The following TENM2 variants were observed in gnomAD, a reference collection of about 807,000 sequenced individuals.
TENM2 encodes the protein teneurin transmembrane protein 2.
TENM2 carries 52 observed loss-of-function variants against 245.2 expected under a neutral mutation model. The ratio of observed to expected loss-of-function variants is 0.21; its 90% confidence interval spans 0.17 to 0.27. The LOEUF is 0.27. Ranked by LOEUF, TENM2 falls within the 10% of genes least tolerant of loss-of-function variation. TENM2 has a pLI of 1.00. For synonymous variants in TENM2, 1,363 were observed against 1,438.9 expected (o/e 0.95, Z 1.19); for missense variants, 3,046 against 3,666.8 (o/e 0.83, Z 4.37).
intron 2 of TENM2, among the ~76,000 whole-genome samples, chr5:167,455,271 T>A (rs983478482): frequency 1.4e-4 from 22 of 152,192 alleles, no homozygotes; most frequent in Non-Finnish European, 3.1e-4. Context: ...AAACAACAAA[T>A]ATACAGTTCA....
exon 29 of TENM2, chr5:168,262,870 T>A (rs1768341774): frequency 6.8e-7 from 1 of 1,466,434 alleles, no homozygotes; most frequent in South Asian, 1.4e-5. Context: ...TGTTATCTCC[T>A]CTCCTAAGGA....
intron 27 of TENM2, among the ~76,000 whole-genome samples, chr5:168,250,803 A>AT (rs1380966934): frequency 2.6e-5 from 4 of 152,224 alleles, no homozygotes; most frequent in African/African-American, 9.6e-5. Flanking sequence ...CATGCTTAGC[A>AT]TAACTTTTAT....
At chr5:167,871,101 C>T (rs1030721964) in intron 2 of TENM2, among the ~76,000 whole-genome samples, 1 of 152,042 alleles carries the variant, frequency 6.6e-6, no homozygotes, top group Non-Finnish European at 1.5e-5. Flanking sequence ...TCCAAATCAA[C>T]TTAAAGAGCA....
the TENM2 span, among the ~76,000 whole-genome samples, chr5:167,069,068 G>C: frequency 3.9e-5 from 6 of 152,084 alleles, no homozygotes; most frequent in Non-Finnish European, 7.4e-5. Context: ...TTATTCATTA[G>C]AAAGAAGTCA....
chr5:167,370,429 C>T (rs969740529), intron 1 of TENM2, among the ~76,000 whole-genome samples: 7 of 148,458 alleles, frequency 4.7e-5, no homozygotes, highest in African/African-American at 1.7e-4. Context: ...GACAATTTAA[C>T]GTCCAAGATA....
intron 2 of TENM2, among the ~76,000 whole-genome samples, chr5:167,750,098 G>T (rs1327559651): frequency 6.6e-6 from 1 of 151,996 alleles, no homozygotes; most frequent in Non-Finnish European, 1.5e-5. Flanking sequence ...TTCGGGGAAT[G>T]TTAATGGCCC....
intron 2 of TENM2, among the ~76,000 whole-genome samples, chr5:167,822,018 G>C (rs909962499): frequency 6.6e-6 from 1 of 152,004 alleles, no homozygotes; most frequent in African/African-American, 2.4e-5. Flanking sequence ...TTGTTTGTTT[G>C]TTTTTTCATT....
chr5:168,100,052 C>T (rs1339012356), intron 9 of TENM2, among the ~76,000 whole-genome samples: 1 of 152,168 alleles, frequency 6.6e-6, no homozygotes, highest in African/African-American at 2.4e-5. Flanking sequence ...TATAGGAATG[C>T]TTGTGATTTT....
At chr5:167,289,428 G>C (rs1754511997) in intron 1 of TENM2, among the ~76,000 whole-genome samples, 1 of 152,122 alleles carries the variant, frequency 6.6e-6, no homozygotes, top group Non-Finnish European at 1.5e-5. Flanking sequence ...TTCTCTGTAC[G>C]TCAGGCTGGC....
At chr5:167,679,549 T>C (rs537321554) in intron 2 of TENM2, among the ~76,000 whole-genome samples, 1 of 152,286 alleles carries the variant, frequency 6.6e-6, no homozygotes, top group Admixed American at 6.5e-5. Context: ...CAACATAATA[T>C]ATTCATAATT....
intron 2 of TENM2, among the ~76,000 whole-genome samples, chr5:167,590,816 G>A (rs1775826002): frequency 6.6e-6 from 1 of 151,956 alleles, no homozygotes; most frequent in Admixed American, 6.6e-5. Flanking sequence ...TCTTAGATTT[G>A]TCTTAATCAG....
At chr5:167,625,286 T>C (rs1230848692) in intron 2 of TENM2, among the ~76,000 whole-genome samples, 1 of 152,250 alleles carries the variant, frequency 6.6e-6, no homozygotes, top group South Asian at 2.1e-4. Flanking sequence ...ATTTTATGTG[T>C]GATCGTGTGG....
At chr5:167,690,765 A>C (rs1216475115) in intron 2 of TENM2, among the ~76,000 whole-genome samples, 1 of 152,184 alleles carries the variant, frequency 6.6e-6, no homozygotes, top group Non-Finnish European at 1.5e-5. Context: ...AAGTGTCTTT[A>C]AAATAAAAAC....
intron 2 of TENM2, among the ~76,000 whole-genome samples, chr5:167,659,525 G>A (rs769389765): frequency 2.6e-5 from 4 of 152,162 alleles, no homozygotes; most frequent in South Asian, 2.1e-4. Context: ...ACATTTTATT[G>A]ATACATAAGA....
Position 167,472,970 on chromosome 5 carries a change from G to A in TENM2, c.502+97497G>A, listed in dbSNP as rs532637814. On this transcript the variant is annotated intron_variant, in intron 2 of 28. Transcript: ENST00000518659. ...TAATAACTTTTCTATGTCCCCACTG[G>A]ACAATAAACAAATTGGGGTGGGAAT... is the stretch of plus-strand genomic sequence containing the variant. Among the ~76,000 whole-genome samples, 3 of 152,052 alleles carry A rather than the reference G, an allele frequency of 2.0e-5. No individual in the cohort carries two copies. In the East Asian group the frequency reaches 5.8e-4, roughly 29 times the overall value.
At chr5:167,317,507 C>T (rs1432948483) in intron 1 of TENM2, among the ~76,000 whole-genome samples, 1 of 151,524 alleles carries the variant, frequency 6.6e-6, no homozygotes, top group Non-Finnish European at 1.5e-5. Context: ...GGAAATGGAT[C>T]CCTGAGCATC....
Position 167,875,967 on chromosome 5 carries a change from C to T in TENM2, c.503-19C>T, listed in dbSNP as rs757561199. Reference sequence around the variant, plus strand: ...TGACACTCATTGCTGACCTTTGACCCCTCTGTCCTCTTTCCCAGGTCGTCC... The same window carrying T: ...TGACACTCATTGCTGACCTTTGACCTCTCTGTCCTCTTTCCCAGGTCGTCC... On this transcript the variant is annotated intron_variant, in intron 2 of 28. Coordinates refer to ENST00000518659, the Ensembl canonical transcript of TENM2. 1.9e-6 allele frequency: 3 copies of T among 1,541,266 alleles called. No individual in the cohort carries two copies. Among genetic ancestry groups the T allele is most frequent in the Middle Eastern group, 1.9e-4 (1 of 5,244 alleles).
chr5:168,082,305 GC>G (rs1212753092), intron 7 of TENM2, among the ~76,000 whole-genome samples: 5 of 152,106 alleles, frequency 3.3e-5, no homozygotes, highest in Non-Finnish European at 7.4e-5. Context: ...TCTTCTCTAT[GC>G]TGTTTATTCT....
chr5:167,789,450 G>A (rs999509175), intron 2 of TENM2, among the ~76,000 whole-genome samples: 3 of 152,198 alleles, frequency 2.0e-5, no homozygotes, highest in African/African-American at 7.2e-5. Context: ...GGTAATCCTG[G>A]ACAGGTGGAA....
Sources: gnomAD v4.1 joint callset for allele counts (sites outside exome capture counted in the v4.1 genomes callset) on GRCh38, gnomAD v4.1.1 for gene constraint, MANE v1.5 for transcripts, NCBI Gene and HGNC (gene_info 2026-07-23, HGNC 2026-07-21) for gene names.